Variants in GBE1 observed in about 807,000 individuals in gnomAD.
GBE1 encodes 1,4-alpha-glucan branching enzyme 1.
A neutral mutation model predicts 88.8 loss-of-function variants in GBE1; 70 were observed. The ratio of observed to expected loss-of-function variants is 0.79; its 90% CI spans 0.65 to 0.96. The LOEUF is 0.96. Ranked by LOEUF, GBE1 falls within the 40% of genes least tolerant of loss-of-function variation. The pLI, the probability that GBE1 is intolerant of heterozygous loss-of-function variation, is 0.00. For missense variants in GBE1, 872 were observed against 871.0 expected, an observed-to-expected ratio of 1.00 and a Z score of -0.01; for synonymous variants, 284 against 300.1, an observed-to-expected ratio of 0.95 and a Z score of 0.56.
chr3:81,506,345 A>G (rs1375144329), intron 14 of GBE1, among the ~76,000 whole-genome samples: 3 of 152,182 alleles, frequency 2.0e-5, no homozygotes, highest in Non-Finnish European at 2.9e-5. Context: ...ATGCAAAACT[A>G]CAAAGAGACA....
chr3:81,562,999 AAAGG>A (rs1411850922), intron 12 of GBE1, among the ~76,000 whole-genome samples: 1 of 151,964 alleles, frequency 6.6e-6, no homozygotes, highest in Non-Finnish European at 1.5e-5. Flanking sequence ...TGTTCAGGAG[AAAGG>A]TTGCCAGAGC....
chr3:81,549,753 C>A (rs1219170040), intron 12 of GBE1, among the ~76,000 whole-genome samples: 1 of 151,446 alleles, frequency 6.6e-6, no homozygotes, highest in Non-Finnish European at 1.5e-5. Flanking sequence ...AAGTTTATAT[C>A]AAAAATAATT....
chr3:81,759,638 G>C (rs951897082), intron 1 of GBE1, among the ~76,000 whole-genome samples: 1 of 152,126 alleles, frequency 6.6e-6, no homozygotes, highest in South Asian at 2.1e-4. Context: ...AGTAAAATCC[G>C]GGTCAGAGTG....
chr3:81,603,786 A>C (rs1307457411), intron 7 of GBE1, among the ~76,000 whole-genome samples: 3 of 152,126 alleles, frequency 2.0e-5, no homozygotes, highest in Non-Finnish European at 4.4e-5. Context: ...ATGAGCCACC[A>C]TGCCCAGCCT....
At chr3:81,560,679 C>T (rs960908743) in intron 12 of GBE1, among the ~76,000 whole-genome samples, 1 of 151,926 alleles carries the variant, frequency 6.6e-6, no homozygotes, top group African/African-American at 2.4e-5. Context: ...GTTGGTGAAG[C>T]TCAGGCACCT....
At chr3:81,563,903 A>C (rs907277028) in intron 12 of GBE1, among the ~76,000 whole-genome samples, 6 of 142,210 alleles carry the variant, frequency 4.2e-5, no homozygotes, top group African/African-American at 1.5e-4. Context: ...GAGACGGAGA[A>C]AGGGAGGGAG....
intron 1 of GBE1, among the ~76,000 whole-genome samples, chr3:81,707,921 TATA>T: frequency 1.0e-4 from 6 of 57,900 alleles, no homozygotes; most frequent in Admixed American, 9.0e-4. Context: ...TCAAGAATGA[TATA>T]CCCTTAATAT....
Position 81,737,886 on chromosome 3 carries a change from C to G in GBE1, c.143+23489G>C, listed in dbSNP as rs140494241. On this transcript the variant is annotated intron_variant, in intron 1 of 15. Transcript: ENST00000429644. Reference sequence around the variant, plus strand: ...CATCTAGCATTAGGTATATCTCCCACTGCTATTCCTCCCCCCTTCCCCCAC... The same window carrying G: ...CATCTAGCATTAGGTATATCTCCCAGTGCTATTCCTCCCCCCTTCCCCCAC... 4.1e-3 allele frequency among the ~76,000 whole-genome samples: 628 copies of G among 152,174 alleles called. 9 individuals carry two copies. Among genetic ancestry groups the G allele is most frequent in the Middle Eastern group, 0.014 (4 of 294 alleles).
At chr3:81,739,942 C>T (rs1015400250) in intron 1 of GBE1, among the ~76,000 whole-genome samples, 2 of 151,994 alleles carry the variant, frequency 1.3e-5, no homozygotes, top group African/African-American at 2.4e-5. Context: ...AAATAAAAAT[C>T]GGGCCAGGTG....
At chr3:81,525,769 A>C (rs1236321775) in intron 14 of GBE1, among the ~76,000 whole-genome samples, 1 of 151,972 alleles carries the variant, frequency 6.6e-6, no homozygotes, top group African/African-American at 2.4e-5. Context: ...GGGAGAGTGT[A>C]TGTGTCGAGG....
At chr3:81,520,438 C>A (rs1338212392) in intron 14 of GBE1, among the ~76,000 whole-genome samples, 2 of 151,644 alleles carry the variant, frequency 1.3e-5, no homozygotes, top group East Asian at 3.9e-4. Context: ...CTCCCCACAT[C>A]ATTTAAAATG....
chr3:81,538,268 T>C (rs1265856010), intron 12 of GBE1, among the ~76,000 whole-genome samples: 1 of 152,028 alleles, frequency 6.6e-6, no homozygotes, highest in Non-Finnish European at 1.5e-5. Context: ...AGCTAGGATG[T>C]AATTCAAAAT....
chr3:81,558,103 A>G (rs2106905353), intron 12 of GBE1, among the ~76,000 whole-genome samples: 1 of 152,192 alleles, frequency 6.6e-6, no homozygotes, highest in East Asian at 1.9e-4. Flanking sequence ...AAAAAATGAT[A>G]AAATAGTAAT....
At chr3:81,515,704 G>A (rs1338237857) in intron 14 of GBE1, among the ~76,000 whole-genome samples, 1 of 151,606 alleles carries the variant, frequency 6.6e-6, no homozygotes, top group African/African-American at 2.4e-5. Context: ...TAGCCAAGTT[G>A]TGAACGCAAA....
rs531435979 is a variant in GBE1, at chr3:81,583,611, G to A, written c.1336-2336C>T. ...TTGGAGGTTTTCTTGGATAAATCTCGAGAAAATTTTGCTAACTGAAAATGC... is the reference window on the plus strand; with the variant it reads ...TTGGAGGTTTTCTTGGATAAATCTCAAGAAAATTTTGCTAACTGAAAATGC... On this transcript the variant is annotated intron_variant, in intron 10 of 15. Transcript: ENST00000429644. 1.8e-4 allele frequency among the ~76,000 whole-genome samples: 27 copies of A among 152,114 alleles called. No individual in the cohort carries two copies. In the South Asian group the frequency reaches 5.2e-3, roughly 29 times the overall value.
intron 10 of GBE1, among the ~76,000 whole-genome samples, chr3:81,582,376 G>A (rs1703743802): frequency 6.6e-6 from 1 of 152,110 alleles, no homozygotes; most frequent in Non-Finnish European, 1.5e-5. Flanking sequence ...AATATAGGCA[G>A]CTTTTAGAAG....
intron 5 of GBE1, among the ~76,000 whole-genome samples, chr3:81,646,695 G>C (rs1213015914): frequency 1.3e-5 from 2 of 152,048 alleles, no homozygotes; most frequent in African/African-American, 4.8e-5. Context: ...CTAGCTATTT[G>C]ATATAGCTTC....
chr3:81,714,137 A>G (rs1705908463), intron 1 of GBE1, among the ~76,000 whole-genome samples: 1 of 152,200 alleles, frequency 6.6e-6, no homozygotes, highest in East Asian at 1.9e-4. Context: ...GAAATTCCAC[A>G]AAGACTGGGA....
intron 10 of GBE1, among the ~76,000 whole-genome samples, chr3:81,585,406 C>T (rs1229104256): frequency 6.6e-6 from 1 of 151,798 alleles, no homozygotes; most frequent in East Asian, 1.9e-4. Flanking sequence ...TATCTGACTC[C>T]TTATATATAT....
Sources: allele counts gnomAD v4.1 joint callset (sites outside exome capture counted in the v4.1 genomes callset), GRCh38; gene constraint gnomAD v4.1.1; transcripts MANE v1.5; gene names NCBI Gene and HGNC (gene_info 2026-07-23, HGNC 2026-07-21).